TRHDE: variants seen among roughly 807,000 people sequenced by gnomAD.
The protein encoded by TRHDE is thyrotropin releasing hormone degrading enzyme, also known as thyrotropin-releasing hormone-degrading ectoenzyme.
Under a neutral mutation model 125.7 loss-of-function variants are expected in TRHDE, and 72 were observed. The observed-to-expected ratio is 0.57, with a 90% CI of 0.47 to 0.70. The LOEUF (loss-of-function observed/expected upper bound fraction) is 0.70. TRHDE is among the 30% of genes least tolerant of loss of function. The probability of loss-of-function intolerance (pLI) is 0.00; values close to 1 mark genes in which losing one functional copy is unlikely to be tolerated. For synonymous variants in TRHDE, 509 were observed against 509.1 expected, an observed-to-expected ratio of 1.00 and a Z score of 0.00; for missense variants, 1,110 against 1,327.1, an observed-to-expected ratio of 0.84 and a Z score of 2.54.
intron 5 of TRHDE, among the ~76,000 whole-genome samples, chr12:72,491,433 A>G (rs1270148165): frequency 6.6e-6 from 1 of 151,910 alleles, no homozygotes; most frequent in African/African-American, 2.4e-5. Flanking sequence ...CAATATTGCT[A>G]TATTTTTAAG....
chr12:72,395,211 A>T (rs940203873), intron 3 of TRHDE, among the ~76,000 whole-genome samples: 3 of 151,898 alleles, frequency 2.0e-5, no homozygotes, highest in Non-Finnish European at 4.4e-5. Flanking sequence ...TCCTTCTCCA[A>T]TGAGGTTACT....
chr12:72,405,154 C>G (rs1409222320), intron 3 of TRHDE, among the ~76,000 whole-genome samples: 1 of 152,040 alleles, frequency 6.6e-6, no homozygotes. Context: ...TTACAAAAGA[C>G]AAAACTGAGA....
intron 2 of TRHDE, among the ~76,000 whole-genome samples, chr12:72,155,585 T>C (rs1164452792): frequency 1.3e-5 from 2 of 152,204 alleles, no homozygotes; most frequent in African/African-American, 2.4e-5. Flanking sequence ...GGATGTCCTT[T>C]CTGTTTGTTA....
chr12:72,209,998 A>G (rs1315252870), intron 2 of TRHDE, among the ~76,000 whole-genome samples: 1 of 152,196 alleles, frequency 6.6e-6, no homozygotes, highest in Non-Finnish European at 1.5e-5. Context: ...AGAATAAATG[A>G]TAAGGACATT....
intron 2 of TRHDE, among the ~76,000 whole-genome samples, chr12:72,144,498 T>A (rs193063728): frequency 3.1e-4 from 47 of 152,368 alleles, no homozygotes; most frequent in Non-Finnish European, 5.0e-4. Flanking sequence ...GCTTTAGCTT[T>A]CTCTTTCCAT....
At chr12:72,380,428 G>A (rs776965472) in intron 3 of TRHDE, among the ~76,000 whole-genome samples, 35 of 152,166 alleles carry the variant, frequency 2.3e-4, no homozygotes, top group Admixed American at 5.9e-4. Flanking sequence ...TGGGATAGGG[G>A]CTGAGTTTTT....
At chr12:72,524,307 G>C (rs969895839) in intron 6 of TRHDE, among the ~76,000 whole-genome samples, 14 of 152,158 alleles carry the variant, frequency 9.2e-5, no homozygotes, top group African/African-American at 3.4e-4. Context: ...AATATTGGTA[G>C]AGTAAAATAA....
intron 7 of TRHDE, among the ~76,000 whole-genome samples, chr12:72,560,004 T>C (rs1870101358): frequency 6.6e-6 from 1 of 152,116 alleles, no homozygotes; most frequent in Non-Finnish European, 1.5e-5. Flanking sequence ...GTGGAATTAA[T>C]GAAAAAAAAT....
At chr12:72,223,466 T>C (rs1878040604) in intron 2 of TRHDE, among the ~76,000 whole-genome samples, 1 of 152,130 alleles carries the variant, frequency 6.6e-6, no homozygotes, top group Non-Finnish European at 1.5e-5. Flanking sequence ...TTCCCATAAT[T>C]GCTCAAGGGC....
chr12:72,515,554 G>A lies in TRHDE; in HGVS notation c.1722+15919G>A, dbSNP rs967365170. Among the ~76,000 whole-genome samples the A allele has an allele frequency of 5.3e-5, 8 of 152,264 alleles. No individual in the cohort carries two copies. In the East Asian group the frequency reaches 7.7e-4, roughly 15 times the overall value. On this transcript the variant is annotated intron_variant, in intron 6 of 18. Transcript: ENST00000261180. ...TCTAGATATTAGCCCTTTGTCAGAT[G>A]AGTAGGTTGCGAAAATTTTCTCCCA...
upstream of TRHDE, chr12:72,272,320 A>T: frequency 5.6e-6 from 2 of 357,890 alleles, no homozygotes; most frequent in Non-Finnish European, 5.5e-6. The surrounding 1 kb of genome is among the most constrained non-coding windows in gnomAD (Gnocchi z 6.7). Flanking sequence ...CGGGAGCCGC[A>T]GGCGCGCAGG....
intron 12 of TRHDE, among the ~76,000 whole-genome samples, chr12:72,599,551 C>G (rs1001847788): frequency 1.3e-5 from 2 of 152,020 alleles, no homozygotes; most frequent in Non-Finnish European, 2.9e-5. Flanking sequence ...CCTTTGCCCA[C>G]TTTGTAATGA....
At chr12:72,230,069 A>C (rs530860349) in intron 2 of TRHDE, among the ~76,000 whole-genome samples, 1 of 152,300 alleles carries the variant, frequency 6.6e-6, no homozygotes, top group South Asian at 2.1e-4. Flanking sequence ...TTGTTCCTAC[A>C]AAACTCCTGA....
intron 7 of TRHDE, among the ~76,000 whole-genome samples, chr12:72,552,727 T>A (rs1259249286): frequency 6.6e-6 from 1 of 152,074 alleles, no homozygotes; most frequent in Non-Finnish European, 1.5e-5. Flanking sequence ...AATGGGAATG[T>A]GGAAATGGAA....
chr12:72,371,686 C>T (rs1871599037), intron 2 of TRHDE, among the ~76,000 whole-genome samples: 1 of 151,994 alleles, frequency 6.6e-6, no homozygotes, highest in Non-Finnish European at 1.5e-5. Context: ...ATGATGATTT[C>T]CAGTTTCATC....
chr12:72,502,254 C>T (rs892027284), intron 6 of TRHDE, among the ~76,000 whole-genome samples: 1 of 151,948 alleles, frequency 6.6e-6, no homozygotes, highest in African/African-American at 2.4e-5. Context: ...AGGTCATTAA[C>T]TTGAGACCTT....
chr12:72,637,951 G>T (rs1415319863), intron 15 of TRHDE, among the ~76,000 whole-genome samples: 1 of 152,076 alleles, frequency 6.6e-6, no homozygotes, highest in Admixed American at 6.5e-5. Context: ...GAATAGGTGT[G>T]GTGTGGTGCT....
chr12:72,619,468 A>T (rs1177793396), intron 13 of TRHDE, among the ~76,000 whole-genome samples: 1 of 152,162 alleles, frequency 6.6e-6, no homozygotes, highest in Non-Finnish European at 1.5e-5. Flanking sequence ...GCCTTAATTA[A>T]CAAGGATAAG....
At chr12:72,470,598 G>A (rs1395977315) in intron 4 of TRHDE, among the ~76,000 whole-genome samples, 1 of 152,090 alleles carries the variant, frequency 6.6e-6, no homozygotes, top group African/African-American at 2.4e-5. Context: ...GAAAATAGAC[G>A]TCCATGCCAA....
Sources: allele counts gnomAD v4.1 joint callset (sites outside exome capture counted in the v4.1 genomes callset), GRCh38; gene constraint gnomAD v4.1.1; non-coding constraint Gnocchi (gnomAD v3.1); transcripts MANE v1.5; gene names NCBI Gene and HGNC (gene_info 2026-07-23, HGNC 2026-07-21).